Variants in KCNIP4 observed in about 807,000 individuals in gnomAD.
The protein encoded by KCNIP4 is Kv channel-interacting protein 4.
KCNIP4 carries 12 observed loss-of-function variants against 34.0 expected under a neutral mutation model. The ratio of observed to expected loss-of-function variants is 0.35; its 90% confidence interval spans 0.23 to 0.57. KCNIP4 has a LOEUF of 0.57. KCNIP4 is among the 20% of genes least tolerant of loss of function. The pLI is 0.83. For synonymous variants in KCNIP4, 124 were observed against 102.2 expected (o/e 1.21, Z -1.29); for missense variants, 238 against 311.7 (o/e 0.76, Z 1.78).
At chr4:21,770,870 A>C (rs959965723) in intron 1 of KCNIP4, among the ~76,000 whole-genome samples, 2 of 152,096 alleles carry the variant, frequency 1.3e-5, no homozygotes, top group Non-Finnish European at 2.9e-5. Context: ...TAGATTGCAA[A>C]AATTTTCTCC....
chr4:21,575,485 T>G (rs1015245593), intron 1 of KCNIP4, among the ~76,000 whole-genome samples: 3 of 128,458 alleles, frequency 2.3e-5, no homozygotes, highest in Non-Finnish European at 4.8e-5. Flanking sequence ...ACTTCCTATT[T>G]TTCTCCTTCT....
intron 1 of KCNIP4, among the ~76,000 whole-genome samples, chr4:20,980,879 T>C (rs1276499861): frequency 6.6e-6 from 1 of 152,122 alleles, no homozygotes; most frequent in Non-Finnish European, 1.5e-5. Flanking sequence ...GCAATCTTAG[T>C]GAAGAGTTTA....
chr4:21,477,297 CTGACAGACACCGAAGCTTAG>C (rs1731067830), intron 1 of KCNIP4, among the ~76,000 whole-genome samples: 1 of 152,122 alleles, frequency 6.6e-6, no homozygotes, highest in South Asian at 2.1e-4. Flanking sequence ...AGGATTGTGC[CTGACAGACACCGAAGCTTAG>C]TGTCTGAAGC....
At chr4:21,432,712 T>C (rs1335399679) in intron 1 of KCNIP4, among the ~76,000 whole-genome samples, 1 of 152,178 alleles carries the variant, frequency 6.6e-6, no homozygotes, top group Non-Finnish European at 1.5e-5. Flanking sequence ...CAAATTGATG[T>C]GTAATCAATA....
chr4:20,988,161 T>C (rs1165314494), intron 1 of KCNIP4, among the ~76,000 whole-genome samples: 1 of 152,120 alleles, frequency 6.6e-6, no homozygotes, highest in Non-Finnish European at 1.5e-5. Flanking sequence ...GATTTGAATG[T>C]GGGTATACTC....
chr4:21,459,438 C>A (rs1338759072), intron 1 of KCNIP4, among the ~76,000 whole-genome samples: 1 of 152,008 alleles, frequency 6.6e-6, no homozygotes, highest in Admixed American at 6.6e-5. Context: ...TGAAGCAGTA[C>A]CCCAGGGACT....
intron 3 of KCNIP4, among the ~76,000 whole-genome samples, chr4:20,801,711 T>C (rs1578651463): frequency 6.6e-6 from 1 of 151,708 alleles, no homozygotes; most frequent in East Asian, 1.9e-4. Flanking sequence ...AAGAAAGGAA[T>C]AAAAGCTTAA....
intron 1 of KCNIP4, among the ~76,000 whole-genome samples, chr4:21,599,190 T>C (rs1287371242): frequency 2.6e-5 from 4 of 152,084 alleles, no homozygotes; most frequent in African/African-American, 9.7e-5. Context: ...CCTCCTCCCC[T>C]GTTTCACATG....
chr4:21,199,343 A>C (rs958030207), intron 1 of KCNIP4, among the ~76,000 whole-genome samples: 1 of 152,052 alleles, frequency 6.6e-6, no homozygotes, highest in Non-Finnish European at 1.5e-5. Context: ...GCATTTTTTC[A>C]TGTGTCTGTT....
At chr4:21,626,200 A>G (rs1577713774) in intron 1 of KCNIP4, among the ~76,000 whole-genome samples, 1 of 152,108 alleles carries the variant, frequency 6.6e-6, no homozygotes, top group Non-Finnish European at 1.5e-5. Context: ...TTAAGGGAGG[A>G]AGTTGTTATA....
chr4:21,380,450 G>A (rs1345700034), intron 1 of KCNIP4, among the ~76,000 whole-genome samples: 1 of 131,844 alleles, frequency 7.6e-6, no homozygotes, highest in African/African-American at 2.7e-5. Flanking sequence ...GGAGGGAGAG[G>A]GAGAGGGGGA....
At position 20,731,578 on chromosome 4, in the gene KCNIP4, C is replaced by T. The variant is rs16869917; in HGVS notation, c.705+428G>A. 4.8e-4 allele frequency: 475 copies of T among 985,356 alleles called. 7 individuals carry two copies. The East Asian group carries it at 0.038, about 78-fold the overall frequency. The allele number at this position is 985,356 out of a possible 1,614,324, so 61.0% of individuals were successfully genotyped here. A position where few individuals can be genotyped will look rare whatever the true frequency, so the allele number is the denominator to read the frequency against. ...CACATACACTAAAACAATGACTTTT[C>T]TCTTAGAAATCAGATAGAAGCTTGG... On this transcript the variant is annotated intron_variant, in intron 8 of 8. Transcript: ENST00000382152.
chr4:21,889,353 G>A (rs1419298174), intron 1 of KCNIP4, among the ~76,000 whole-genome samples: 1 of 151,680 alleles, frequency 6.6e-6, no homozygotes, highest in African/African-American at 2.4e-5. Context: ...CATTAATTAT[G>A]TATATGCAAG....
chr4:21,382,163 A>G (rs1247208897), intron 1 of KCNIP4, among the ~76,000 whole-genome samples: 1 of 152,218 alleles, frequency 6.6e-6, no homozygotes, highest in Non-Finnish European at 1.5e-5. Context: ...AGTACTTGGA[A>G]TAAGAACAGG....
At chr4:21,175,182 A>G (rs953602256) in intron 1 of KCNIP4, among the ~76,000 whole-genome samples, 1 of 152,074 alleles carries the variant, frequency 6.6e-6, no homozygotes, top group Non-Finnish European at 1.5e-5. Context: ...TCTACAATCT[A>G]GAGATGTCTT....
At position 20,982,536 on chromosome 4, in the gene KCNIP4, A is replaced by G. The variant is rs149317526; in HGVS notation, c.62-99827T>C. ...AACTAAATTCTGAGGTTTTAATCCC[A>G]TTACAGTATTATTTGTATTGTGTCT... On this transcript the variant is annotated intron_variant, in intron 1 of 8. Coordinates refer to ENST00000382152, the MANE Select transcript of KCNIP4 (RefSeq NM_025221.6). Among the ~76,000 whole-genome samples, 1,014 of 152,370 alleles carry G rather than the reference A, an allele frequency of 6.7e-3. 6 individuals are homozygous for G. Among genetic ancestry groups the G allele is most frequent in the Non-Finnish European group, 0.012 (813 of 68,040 alleles).
At chr4:21,202,239 T>A (rs368515963) in intron 1 of KCNIP4, among the ~76,000 whole-genome samples, 1 of 152,258 alleles carries the variant, frequency 6.6e-6, no homozygotes, top group Non-Finnish European at 1.5e-5. Flanking sequence ...CATGGAATAC[T>A]ATGCAGCCAT....
chr4:21,131,499 A>T (rs1224579844), intron 1 of KCNIP4, among the ~76,000 whole-genome samples: 2 of 152,140 alleles, frequency 1.3e-5, no homozygotes, highest in African/African-American at 4.8e-5. Flanking sequence ...AGTCCCAGCT[A>T]CTCAGGAGAT....
chr4:21,390,677 C>A (rs1233246012), intron 1 of KCNIP4, among the ~76,000 whole-genome samples: 2 of 152,106 alleles, frequency 1.3e-5, no homozygotes, highest in Non-Finnish European at 2.9e-5. Flanking sequence ...TGTTTTGGTA[C>A]CAGTACCATG....
Sources: allele counts gnomAD v4.1 joint callset (sites outside exome capture counted in the v4.1 genomes callset), GRCh38; gene constraint gnomAD v4.1.1; transcripts MANE v1.5; gene names NCBI Gene and HGNC (gene_info 2026-07-23, HGNC 2026-07-21).